Variants in ENTHD1 observed in about 807,000 individuals in gnomAD.
The protein encoded by ENTHD1 is ENTH domain-containing protein 1.
Under a neutral mutation model 39.1 loss-of-function variants are expected in ENTHD1, and 23 were observed. That is an observed-to-expected ratio of 0.59 (90% CI 0.42 to 0.83). The LOEUF (loss-of-function observed/expected upper bound fraction) is 0.83, where lower values mean the gene tolerates loss of function less well. Among genes scored for constraint, ENTHD1 ranks in the 40% least tolerant of loss-of-function variants. The pLI is 0.00. For missense variants in ENTHD1, 624 were observed against 705.4 expected (o/e 0.88, Z 1.31); for synonymous variants, 230 against 258.2 (o/e 0.89, Z 1.05).
At chr22:39,761,818 A>G (rs901078557) in intron 6 of ENTHD1, among the ~76,000 whole-genome samples, 5 of 151,882 alleles carry the variant, frequency 3.3e-5, no homozygotes, top group African/African-American at 1.2e-4. Context: ...GCTCCTTTCT[A>G]TTCATTAGTT....
chr22:39,839,299 A>C (rs1335338191), intron 3 of ENTHD1, among the ~76,000 whole-genome samples: 2 of 152,222 alleles, frequency 1.3e-5, no homozygotes, highest in African/African-American at 4.8e-5. Flanking sequence ...GAAACAGAGA[A>C]CAATTATATG....
intron 5 of ENTHD1, among the ~76,000 whole-genome samples, chr22:39,816,036 C>T (rs2065730977): frequency 6.6e-6 from 1 of 152,190 alleles, no homozygotes; most frequent in South Asian, 2.1e-4. Flanking sequence ...GTCCCTAGTG[C>T]TAGTGGGGGT....
At chr22:39,810,783 T>C (rs1257755321) in intron 5 of ENTHD1, among the ~76,000 whole-genome samples, 1 of 152,224 alleles carries the variant, frequency 6.6e-6, no homozygotes, top group South Asian at 2.1e-4. Context: ...CAGACATCTA[T>C]AGTATATAGG....
chr22:39,789,634 G>C (rs2065488350), intron 5 of ENTHD1, among the ~76,000 whole-genome samples: 2 of 152,024 alleles, frequency 1.3e-5, no homozygotes, highest in African/African-American at 2.4e-5. Flanking sequence ...CTAATTCTAG[G>C]TACTATTACT....
chr22:39,824,656 T>C (rs1476068426), intron 4 of ENTHD1, among the ~76,000 whole-genome samples: 3 of 152,242 alleles, frequency 2.0e-5, no homozygotes, highest in East Asian at 3.8e-4. Flanking sequence ...TGTAGCACTA[T>C]TTTTTGAAAA....
intron 3 of ENTHD1, among the ~76,000 whole-genome samples, chr22:39,857,355 A>G (rs1601646512): frequency 6.7e-6 from 1 of 150,108 alleles, no homozygotes; most frequent in African/African-American, 2.4e-5. Flanking sequence ...AGGCAGGAGA[A>G]TCGCCTGAAC....
intron 1 of ENTHD1, among the ~76,000 whole-genome samples, chr22:39,888,260 C>CTTTTTTTTTTTTTT (rs61092462): frequency 9.0e-6 from 1 of 110,654 alleles, no homozygotes; most frequent in Non-Finnish European, 1.7e-5. Flanking sequence ...TTCTTTCTTT[C>CTTTTTTTTTTTTTT]TTTTTTTTTT....
rs113753347 is a variant in ENTHD1, at chr22:39,770,462, C to T, written c.833-4853G>A. The stretch of plus-strand genomic sequence containing the variant: ...ATCATACTCTCTTAACATTAGCACC[C>T]GCCAACAAGCACCCCATCCTAAGAG... On this transcript the variant is annotated intron_variant, in intron 5 of 6. Transcript: ENST00000325157. Among the ~76,000 whole-genome samples the T allele has an allele frequency of 2.0e-3, 300 of 152,196 alleles. 2 individuals carry two copies. Among genetic ancestry groups the T allele is most frequent in the African/African-American group, 7.0e-3 (291 of 41,524 alleles).
intron 3 of ENTHD1, among the ~76,000 whole-genome samples, chr22:39,852,089 G>A (rs2066044984): frequency 6.6e-6 from 1 of 151,980 alleles, no homozygotes. Context: ...TCCTAGCACT[G>A]TGGGAGGCTG....
chr22:39,870,935 G>A (rs2066237174), intron 2 of ENTHD1, among the ~76,000 whole-genome samples: 1 of 152,062 alleles, frequency 6.6e-6, no homozygotes, highest in Non-Finnish European at 1.5e-5. Flanking sequence ...CATTTTGGGA[G>A]GCCGAGGTGG....
At chr22:39,753,963 T>C (rs529122692) in intron 6 of ENTHD1, among the ~76,000 whole-genome samples, 1 of 152,308 alleles carries the variant, frequency 6.6e-6, no homozygotes, top group African/African-American at 2.4e-5. Context: ...TGGCTTTGCT[T>C]CCTTTCTTAA....
At chr22:39,813,521 C>T (rs1427525658) in intron 5 of ENTHD1, among the ~76,000 whole-genome samples, 2 of 152,180 alleles carry the variant, frequency 1.3e-5, no homozygotes, top group East Asian at 1.9e-4. Flanking sequence ...AAACCTGTAA[C>T]TATCCATATA....
Position 39,887,789 on chromosome 22 carries a change from A to G in ENTHD1, c.-41T>C, listed in dbSNP as rs754124923. ...CAAGGTGAGATGGAGGATGAAAGCA[A>G]TGGAATAACAGTTTATGTCACGGGT... On this transcript the variant is annotated 5_prime_UTR_variant, in exon 2 of 7. Transcript: ENST00000325157. 9 of 1,406,424 alleles carry G rather than the reference A, an allele frequency of 6.4e-6. No homozygotes were observed. The highest frequency in any genetic ancestry group is 7.7e-6 in the Non-Finnish European group (8 of 1,036,602). The allele number at this position is 1,406,424 out of a possible 1,614,324, so 87.1% of individuals were successfully genotyped here. A position where few individuals can be genotyped will look rare whatever the true frequency, so the allele number is the denominator to read the frequency against.
At chr22:39,833,056 C>T (rs2065882159) in intron 4 of ENTHD1, among the ~76,000 whole-genome samples, 1 of 152,128 alleles carries the variant, frequency 6.6e-6, no homozygotes, top group African/African-American at 2.4e-5. Flanking sequence ...CACCCTTCCT[C>T]TTCCTGTCCC....
intron 2 of ENTHD1, 50 bp from the exon 3 acceptor site, chr22:39,862,057 A>C (rs778232728): frequency 4.5e-6 from 6 of 1,328,994 alleles, no homozygotes; most frequent in Non-Finnish European, 5.9e-6. Flanking sequence ...AGTTAAGGCT[A>C]TAATTAATTT....
chr22:39,811,367 C>A (rs151329644), intron 5 of ENTHD1, among the ~76,000 whole-genome samples: 1 of 152,190 alleles, frequency 6.6e-6, no homozygotes, highest in Non-Finnish European at 1.5e-5. Flanking sequence ...GATCATATAA[C>A]TTAGCAGAAC....
intron 2 of ENTHD1, among the ~76,000 whole-genome samples, chr22:39,873,734 T>C (rs1174434499): frequency 6.6e-6 from 1 of 152,200 alleles, no homozygotes; most frequent in African/African-American, 2.4e-5. Context: ...TTGGATACCA[T>C]ACAGATAAGA....
chr22:39,879,250 C>G (rs1337367402), intron 2 of ENTHD1, among the ~76,000 whole-genome samples: 1 of 151,712 alleles, frequency 6.6e-6, no homozygotes. Flanking sequence ...ATCACGAGGT[C>G]AGGAGATCGA....
intron 2 of ENTHD1, among the ~76,000 whole-genome samples, chr22:39,874,826 A>G (rs1403566385): frequency 6.6e-6 from 1 of 152,198 alleles, no homozygotes; most frequent in Non-Finnish European, 1.5e-5. Context: ...ACAACATTAT[A>G]CTCCCAACAA....
Sources: gnomAD v4.1 joint callset for allele counts (sites outside exome capture counted in the v4.1 genomes callset) on GRCh38, gnomAD v4.1.1 for gene constraint, MANE v1.5 for transcripts, NCBI Gene and HGNC (gene_info 2026-07-23, HGNC 2026-07-21) for gene names.